Variants in KCTD8 observed in about 807,000 individuals in gnomAD.
The protein encoded by KCTD8 is BTB/POZ domain-containing protein KCTD8.
KCTD8 carries 27 observed loss-of-function variants against 31.5 expected under a neutral mutation model. The ratio of observed to expected loss-of-function variants is 0.86; its 90% CI spans 0.63 to 1.18. The LOEUF (loss-of-function observed/expected upper bound fraction) is 1.18. KCTD8 is among the 50% of genes most tolerant of loss of function. The probability of loss-of-function intolerance (pLI) is 0.00; values close to 1 mark genes in which losing one functional copy is unlikely to be tolerated. For missense variants in KCTD8, 658 were observed against 647.7 expected (o/e 1.02, Z -0.17); for synonymous variants, 290 against 280.0 (o/e 1.04, Z -0.36).
intron 1 of KCTD8, among the ~76,000 whole-genome samples, chr4:44,182,154 G>T (rs372683594): frequency 2.0e-5 from 3 of 150,534 alleles, no homozygotes; most frequent in African/African-American, 7.3e-5. Flanking sequence ...CAGCCGCCCC[G>T]TCCGAGAGGG....
intron 1 of KCTD8, among the ~76,000 whole-genome samples, chr4:44,316,795 GAAAAAAAA>G (rs71188270): frequency 1.7e-4 from 7 of 40,360 alleles, no homozygotes; most frequent in African/African-American, 2.6e-4. Context: ...CTAAAAATAC[GAAAAAAAA>G]AAAAAAAAAA....
intron 1 of KCTD8, among the ~76,000 whole-genome samples, chr4:44,234,409 G>C (rs1715213470): frequency 6.6e-6 from 1 of 152,198 alleles, no homozygotes. Flanking sequence ...GTGTTCTGAA[G>C]ATGACCACAC....
chr4:44,433,872 T>C (rs1721571151), intron 1 of KCTD8, among the ~76,000 whole-genome samples: 1 of 151,824 alleles, frequency 6.6e-6, no homozygotes, highest in African/African-American at 2.4e-5. Context: ...CTAATGTTCA[T>C]CTGACTCATC....
At chr4:44,398,576 G>GC (rs916297225) in intron 1 of KCTD8, among the ~76,000 whole-genome samples, 1 of 152,164 alleles carries the variant, frequency 6.6e-6, no homozygotes, top group African/African-American at 2.4e-5. Context: ...GGCCATTATA[G>GC]CAGCCTTTCA....
At chr4:44,205,385 T>C (rs1169056299) in intron 1 of KCTD8, among the ~76,000 whole-genome samples, 1 of 152,166 alleles carries the variant, frequency 6.6e-6, no homozygotes, top group Non-Finnish European at 1.5e-5. Context: ...GAATGCACTA[T>C]TCAATTAATT....
At chr4:44,385,698 G>A (rs111315389) in intron 1 of KCTD8, among the ~76,000 whole-genome samples, 2 of 151,424 alleles carry the variant, frequency 1.3e-5, no homozygotes, top group East Asian at 1.9e-4. Flanking sequence ...TAGATAAGCC[G>A]CATTATTATA....
intron 1 of KCTD8, among the ~76,000 whole-genome samples, chr4:44,419,926 T>C (rs958277865): frequency 6.6e-6 from 1 of 151,666 alleles, no homozygotes; most frequent in African/African-American, 2.4e-5. Context: ...CCGGACTCCA[T>C]ATTGAACAAA....
intron 1 of KCTD8, among the ~76,000 whole-genome samples, chr4:44,210,739 G>A (rs1714462701): frequency 6.6e-6 from 1 of 152,134 alleles, no homozygotes; most frequent in East Asian, 1.9e-4. Context: ...GGAGGGAAGG[G>A]CACCACTTTC....
At chr4:44,391,539 C>T (rs1720369412) in intron 1 of KCTD8, among the ~76,000 whole-genome samples, 1 of 151,604 alleles carries the variant, frequency 6.6e-6, no homozygotes, top group Non-Finnish European at 1.5e-5. Flanking sequence ...TTATGATTTT[C>T]TTAGAAACAT....
chr4:44,369,210 G>C (rs1000157603), intron 1 of KCTD8, among the ~76,000 whole-genome samples: 8 of 152,184 alleles, frequency 5.3e-5, no homozygotes. Context: ...TAATTGATTG[G>C]ACAGAGATTA....
At chr4:44,388,535 T>C (rs1720283302) in intron 1 of KCTD8, among the ~76,000 whole-genome samples, 1 of 151,800 alleles carries the variant, frequency 6.6e-6, no homozygotes, top group African/African-American at 2.4e-5. Context: ...TAAAAAGCAA[T>C]GAGATCATGT....
intron 1 of KCTD8, among the ~76,000 whole-genome samples, chr4:44,264,717 G>C (rs974533758): frequency 5.3e-5 from 8 of 152,240 alleles, no homozygotes; most frequent in Admixed American, 5.2e-4. Context: ...TTAGGAAATG[G>C]CACACCAGGA....
rs576658977 is a variant in KCTD8, at chr4:44,408,009, C to T, written c.961+39554G>A. On this transcript the variant is annotated intron_variant, in intron 1 of 1. Transcript: ENST00000360029. Reference sequence around the variant, plus strand: ...GAGCTTACTAAGATCTTCTCTGACACTTTTCGTTACCCTTCCTGTCATCAA... The same window carrying T: ...GAGCTTACTAAGATCTTCTCTGACATTTTTCGTTACCCTTCCTGTCATCAA... 2.0e-5 allele frequency among the ~76,000 whole-genome samples: 3 copies of T among 152,246 alleles called. No individual in the cohort carries two copies. The East Asian group carries it at 5.8e-4, about 29-fold the overall frequency.
intron 1 of KCTD8, among the ~76,000 whole-genome samples, chr4:44,269,831 C>G (rs1334305543): frequency 6.6e-6 from 1 of 152,054 alleles, no homozygotes; most frequent in African/African-American, 2.4e-5. Flanking sequence ...CAAATCAAAA[C>G]CACAATGAGA....
At chr4:44,306,499 G>C (rs1341228023) in intron 1 of KCTD8, among the ~76,000 whole-genome samples, 1 of 151,910 alleles carries the variant, frequency 6.6e-6, no homozygotes, top group African/African-American at 2.4e-5. Flanking sequence ...TTGAATTCTA[G>C]TCTCCTTAGT....
intron 1 of KCTD8, among the ~76,000 whole-genome samples, chr4:44,392,594 C>A (rs374466311): frequency 4.0e-5 from 6 of 151,858 alleles, no homozygotes; most frequent in African/African-American, 1.2e-4. Context: ...AGGTTAGAGG[C>A]CCTATTAGTC....
intron 1 of KCTD8, among the ~76,000 whole-genome samples, chr4:44,191,176 A>G (rs918238461): frequency 1.3e-5 from 2 of 152,168 alleles, no homozygotes; most frequent in East Asian, 3.9e-4. Context: ...TGAAGATTTC[A>G]TGGAAATGTA....
At chr4:44,347,366 C>T (rs567013757) in intron 1 of KCTD8, among the ~76,000 whole-genome samples, 2 of 152,276 alleles carry the variant, frequency 1.3e-5, no homozygotes, top group East Asian at 3.9e-4. Flanking sequence ...ACAAAACAGA[C>T]ATGATGGCAA....
At chr4:44,350,933 T>G (rs1719179261) in intron 1 of KCTD8, among the ~76,000 whole-genome samples, 1 of 152,152 alleles carries the variant, frequency 6.6e-6, no homozygotes, top group South Asian at 2.1e-4. Flanking sequence ...GCAACCACTA[T>G]TGCATTCACC....
Sources: allele counts gnomAD v4.1 joint callset (sites outside exome capture counted in the v4.1 genomes callset), GRCh38; gene constraint gnomAD v4.1.1; transcripts MANE v1.5; gene names NCBI Gene and HGNC (gene_info 2026-07-23, HGNC 2026-07-21).